Variants in KAZN observed in about 807,000 individuals in gnomAD.
The protein encoded by KAZN is kazrin.
KAZN carries 40 observed loss-of-function variants against 87.4 expected under a neutral mutation model. The ratio of observed to expected loss-of-function variants is 0.46; its 90% CI spans 0.36 to 0.60. KAZN has a LOEUF of 0.60. Among genes scored for constraint, KAZN ranks in the 20% least tolerant of loss-of-function variants. The probability of loss-of-function intolerance (pLI) is 0.00; values close to 1 mark genes in which losing one functional copy is unlikely to be tolerated. For missense variants in KAZN, 898 were observed against 1,073.9 expected (o/e 0.84, Z 2.29); for synonymous variants, 466 against 458.3 (o/e 1.02, Z -0.22).
At chr1:14,718,318 G>T (rs954653417) in intron 1 of KAZN, among the ~76,000 whole-genome samples, 6 of 152,192 alleles carry the variant, frequency 3.9e-5, no homozygotes, top group Admixed American at 3.3e-4. Flanking sequence ...GTGGTAGGCG[G>T]TGTGCCCTCG....
chr1:14,322,476 G>A (rs16853948), intron 2 of KAZN, among the ~76,000 whole-genome samples: 17,003 of 151,924 alleles, frequency 0.11, 1,033 homozygotes, highest in East Asian at 0.23. Context: ...CCTCTAAACT[G>A]TCTCCTGGAG....
intron 1 of KAZN, among the ~76,000 whole-genome samples, chr1:14,657,060 T>G (rs1572152179): frequency 7.5e-6 from 1 of 133,402 alleles, no homozygotes; most frequent in African/African-American, 2.8e-5. Context: ...CCTCCTAGGG[T>G]GGGGTGAAGA....
intron 1 of KAZN, chr1:14,929,800 G>C: frequency 1.0e-6 from 1 of 985,462 alleles, no homozygotes; most frequent in African/African-American, 1.7e-5. Context: ...TGCCTTTCAA[G>C]GGAGAGGGAA....
chr1:14,850,515 C>T (rs1168668449), intron 1 of KAZN, among the ~76,000 whole-genome samples: 2 of 152,168 alleles, frequency 1.3e-5, no homozygotes, highest in Non-Finnish European at 2.9e-5. Context: ...AGCAACTTGC[C>T]CACGGTTACT....
intron 2 of KAZN, among the ~76,000 whole-genome samples, chr1:14,567,422 C>T (rs72647611): frequency 0.066 from 10,008 of 152,120 alleles, 366 homozygotes; most frequent in Non-Finnish European, 0.076. Flanking sequence ...TGAAGTATTG[C>T]AAAAATCACC....
chr1:13,935,429 C>T (rs937996753), intron 1 of KAZN, among the ~76,000 whole-genome samples: 1 of 152,192 alleles, frequency 6.6e-6, no homozygotes, highest in African/African-American at 2.4e-5. Flanking sequence ...TTCAAACCCA[C>T]TCAATCTGGC....
At chr1:14,066,695 G>A (rs559768233) in intron 1 of KAZN, among the ~76,000 whole-genome samples, 13 of 152,290 alleles carry the variant, frequency 8.5e-5, no homozygotes, top group African/African-American at 3.1e-4. Flanking sequence ...AGGCTCTTTG[G>A]AATGATATCG....
rs143477689 is a variant in KAZN at position 14,877,120 on chromosome 1, C to T, written c.227-83564C>T. On this transcript the variant is annotated intron_variant, in intron 1 of 14. Transcript: ENST00000376030. ...GTGTGGATCCTTCAGGCATGACTGG[C>T]TCCAGGAGCTCAAGGGGTGTTCCCC... Among the ~76,000 whole-genome samples the T allele has an allele frequency of 2.6e-5, 4 of 152,324 alleles. No individual in the cohort carries two copies. In the East Asian group the frequency reaches 7.7e-4, roughly 29 times the overall value.
intron 14 of KAZN, chr1:15,114,102 T>A (rs911583520): frequency 1.1e-5 from 2 of 186,454 alleles, no homozygotes; most frequent in Admixed American, 5.6e-5. Flanking sequence ...TCAGACCTCA[T>A]GGGCCTGCTC....
intron 2 of KAZN, among the ~76,000 whole-genome samples, chr1:14,426,513 G>A (rs1204176517): frequency 6.6e-6 from 1 of 152,196 alleles, no homozygotes; most frequent in African/African-American, 2.4e-5. Context: ...GTTCATGAAT[G>A]AAAGAATGCT....
At chr1:14,767,821 T>C (rs569817539) in intron 1 of KAZN, among the ~76,000 whole-genome samples, 12 of 152,300 alleles carry the variant, frequency 7.9e-5, no homozygotes, top group Admixed American at 3.9e-4. Flanking sequence ...TAACAGTTGA[T>C]GTCTGAGGGT....
chr1:13,949,546 G>A (rs1025918393), intron 1 of KAZN, among the ~76,000 whole-genome samples: 1 of 85,662 alleles, frequency 1.2e-5, no homozygotes, highest in Non-Finnish European at 2.8e-5. Context: ...TTTAGGGTGA[G>A]ATTTTTTTCC....
intron 1 of KAZN, among the ~76,000 whole-genome samples, chr1:14,770,186 A>G (rs74494242): frequency 0.047 from 7,086 of 152,248 alleles, 497 homozygotes; most frequent in African/African-American, 0.15. Flanking sequence ...AGGAAAAGAG[A>G]AAGCCATAGA....
intron 2 of KAZN, among the ~76,000 whole-genome samples, chr1:14,296,623 G>A (rs11581550): frequency 1.8e-5 from 2 of 109,820 alleles, no homozygotes; most frequent in Non-Finnish European, 3.7e-5. Context: ...CTGAGTTTTT[G>A]TATTTCTTTT....
intron 1 of KAZN, among the ~76,000 whole-genome samples, chr1:14,956,530 C>T (rs1431461887): frequency 6.6e-6 from 1 of 151,496 alleles, no homozygotes; most frequent in Non-Finnish European, 1.5e-5. Context: ...TGCTTGAACC[C>T]GGGAGGCAGA....
intron 13 of KAZN, among the ~76,000 whole-genome samples, chr1:15,110,671 G>T (rs1641573203): frequency 4.6e-5 from 7 of 152,220 alleles, no homozygotes; most frequent in Admixed American, 4.6e-4. Context: ...AAGGCACTGA[G>T]CCAGGCTGCT....
chr1:14,874,557 T>G (rs1050636609), intron 1 of KAZN, among the ~76,000 whole-genome samples: 1 of 152,184 alleles, frequency 6.6e-6, no homozygotes, highest in African/African-American at 2.4e-5. Context: ...CTACTGCAGC[T>G]AACTTAACTA....
At chr1:14,335,114 C>G (rs189409067) in intron 2 of KAZN, among the ~76,000 whole-genome samples, 25 of 151,430 alleles carry the variant, frequency 1.7e-4, no homozygotes, top group South Asian at 6.3e-4. Context: ...GTGCCCCCCC[C>G]CCACCACCCC....
Position 14,479,696 on chromosome 1 carries a change from C to A in KAZN, c.250-119287C>A, listed in dbSNP as rs116854867. 3.6e-4 allele frequency among the ~76,000 whole-genome samples: 55 copies of A among 152,302 alleles called. No individual in the cohort carries two copies. In the East Asian group the frequency reaches 9.7e-3, roughly 27 times the overall value. On this transcript the variant is annotated intron_variant, in intron 2 of 16. Coordinates refer to the KAZN transcript ENST00000636203. ...TGTACTTTTTGCAATTCCCCTCCCC[C>A]ACCATCTCACACTGTGAGCTCACTG...
Sources: gnomAD v4.1 joint callset for allele counts (sites outside exome capture counted in the v4.1 genomes callset) on GRCh38, gnomAD v4.1.1 for gene constraint, MANE v1.5 for transcripts, NCBI Gene and HGNC (gene_info 2026-07-23, HGNC 2026-07-21) for gene names.